Variants in RASGRF1 observed in about 807,000 individuals in gnomAD.
RASGRF1 encodes the protein ras-specific guanine nucleotide-releasing factor 1.
RASGRF1 carries 40 observed loss-of-function variants against 138.7 expected under a neutral mutation model. The observed-to-expected ratio is 0.29, with a 90% CI of 0.22 to 0.38. RASGRF1 has a LOEUF of 0.38. Ranked by LOEUF, RASGRF1 falls within the 10% of genes least tolerant of loss-of-function variation. RASGRF1 has a pLI of 1.00. For synonymous variants in RASGRF1, 614 were observed against 663.2 expected (o/e 0.93, Z 1.14); for missense variants, 1,108 against 1,650.4 (o/e 0.67, Z 5.69).
Position 78,999,847 on chromosome 15 carries a change from C to T in RASGRF1, c.2642G>A (p.Arg881His), listed in dbSNP as rs769549993. The change falls in exon 17 of 27, where the codon CGC becomes CAC. Residue 881 changes from arginine to histidine, a missense_variant. By Grantham distance (29) the Arg-to-His change is conservative (BLOSUM62 0). Transcript: ENST00000558480. ...GGCAGAGGCGGCCGACAAGGCACTG[C>T]GGTTATTGTCCAGTTCACGACAGGA... ...MTSCRELDNN[R>H]SALSAASAFA... The T allele has an allele frequency of 7.4e-6, 12 of 1,613,962 alleles. No individual in the cohort carries two copies. The highest frequency in any genetic ancestry group is 1.6e-4 in the Middle Eastern group (1 of 6,084).
chr15:79,011,493 T>A (rs1426978507), intron 13 of RASGRF1, among the ~76,000 whole-genome samples: 2 of 152,266 alleles, frequency 1.3e-5, no homozygotes, highest in East Asian at 3.9e-4. Context: ...ATTTATTAGG[T>A]CTTAAGTCAG....
At chr15:79,056,480 A>G (rs1361267325) in intron 3 of RASGRF1, among the ~76,000 whole-genome samples, 1 of 152,124 alleles carries the variant, frequency 6.6e-6, no homozygotes, top group Non-Finnish European at 1.5e-5. Context: ...AGGCTACCAG[A>G]GTAGAGTGGA....
intron 18 of RASGRF1, among the ~76,000 whole-genome samples, 158 bp downstream of exon 18, chr15:78,998,561 G>A (rs896825113): frequency 2.0e-5 from 3 of 152,220 alleles, no homozygotes; most frequent in East Asian, 1.9e-4. Context: ...GCAGTCCTCC[G>A]GGAACATCAG....
chr15:79,019,382 G>A lies in RASGRF1; in HGVS notation c.1606+659C>T, dbSNP rs150006766. Among the ~76,000 whole-genome samples the A allele has an allele frequency of 6.6e-4, 101 of 152,216 alleles. No individual in the cohort carries two copies. The East Asian group carries it at 0.018, about 26-fold the overall frequency. On this transcript the variant is annotated intron_variant, in intron 11 of 26. Coordinates refer to ENST00000558480, the MANE Select transcript of RASGRF1 (RefSeq NM_001145648.3). ...CCCCACCTCCAATTCTGATGCCTTG[G>A]GAGATAAATCCCATCAAACATCACA... is the stretch of plus-strand genomic sequence containing the variant.
chr15:79,000,070 G>C (rs1272061251), intron 16 of RASGRF1, among the ~76,000 whole-genome samples, 157 bp from the exon 17 acceptor site: 3 of 152,114 alleles, frequency 2.0e-5, no homozygotes, highest in Admixed American at 6.5e-5. Context: ...GTGTGTGTGT[G>C]TCTCTCTCTG....
rs1267378280 is a variant in RASGRF1 at position 79,059,989 on chromosome 15, CAG to C, written c.384-1510_384-1509del. Reference sequence around the variant, plus strand: ...TCACACACACACACACACAGACACACAGACACACACACACACACACACACACA... The same window carrying C: ...TCACACACACACACACACAGACACACACACACACACACACACACACACACA... On this transcript the variant is annotated intron_variant, in intron 2 of 26. Coordinates refer to ENST00000558480, the MANE Select transcript of RASGRF1 (RefSeq NM_001145648.3). 1.6e-3 allele frequency among the ~76,000 whole-genome samples: 24 copies of C among 15,088 alleles called. 1 individual carries two copies. The East Asian group carries it at 0.11, about 70-fold the overall frequency. 9.9% of individuals were successfully genotyped at this position (15,088 alleles called of 152,430 possible). A position where few individuals can be genotyped will look rare whatever the true frequency, so the allele number is the denominator to read the frequency against.
chr15:78,986,258 G>A (rs2141643000), intron 22 of RASGRF1, among the ~76,000 whole-genome samples: 1 of 152,250 alleles, frequency 6.6e-6, no homozygotes, highest in Non-Finnish European at 1.5e-5. Context: ...TGGGAAGCTG[G>A]GGCTAGAACA....
At chr15:79,065,581 G>A (rs1208247960) in intron 1 of RASGRF1, among the ~76,000 whole-genome samples, 1 of 152,086 alleles carries the variant, frequency 6.6e-6, no homozygotes, top group East Asian at 1.9e-4. Context: ...GGCCAGCTCC[G>A]CATGCAGAGG....
rs1001856626 is a variant in RASGRF1 at position 78,960,558 on chromosome 15, A to G, written c.*1586T>C. ...GTGACAGCGCCATCTTGGTGCACCA[A>G]CTAGAGCACCACCCGGTCCAGTTGA... On this transcript the variant is annotated 3_prime_UTR_variant, in exon 27 of 27. Coordinates refer to ENST00000558480, the MANE Select transcript of RASGRF1 (RefSeq NM_001145648.3). 1 of 152,396 alleles carries G rather than the reference A, an allele frequency of 6.6e-6. No individual in the cohort carries two copies. The highest frequency in any genetic ancestry group is 1.5e-5 in the Non-Finnish European group (1 of 68,222). The allele number at this position is 152,396 out of a possible 1,614,324, so 9.4% of individuals were successfully genotyped here.
At chr15:79,022,253 AACATGGTGAAACCCCGTCTCT>A (rs1467630958) in intron 10 of RASGRF1, among the ~76,000 whole-genome samples, 1 of 152,174 alleles carries the variant, frequency 6.6e-6, no homozygotes, top group Non-Finnish European at 1.5e-5. Context: ...CAGCCTGACC[AACATGGTGAAACCCCGTCTCT>A]ACTAAAAATA....
intron 13 of RASGRF1, among the ~76,000 whole-genome samples, chr15:79,010,720 TC>T (rs2056778201): frequency 6.6e-6 from 1 of 152,202 alleles, no homozygotes; most frequent in Admixed American, 6.5e-5. Context: ...CTTTCTTTTT[TC>T]CCAGGGAGAG....
At chr15:79,005,741 CCCTCCCTT>C (rs745811067) in intron 14 of RASGRF1, 98 of 585,316 alleles carry the variant, frequency 1.7e-4, no homozygotes, top group Non-Finnish European at 1.8e-4. Flanking sequence ...CTCCCTCCCT[CCCTCCCTT>C]CCTTCCTTCC....
Position 79,052,771 on chromosome 15 carries a change from G to A in RASGRF1, c.532-3183C>T, listed in dbSNP as rs1427595466. Among the ~76,000 whole-genome samples the A allele has an allele frequency of 3.3e-5, 5 of 152,176 alleles. No individual in the cohort carries two copies. In the East Asian group the frequency reaches 9.6e-4, roughly 29 times the overall value. Reference sequence around the variant, plus strand: ...GAATGATATGAACAAAGGCATGGGTGTGATAGAGTGTTGTGTGCCAGGGCA... The same window carrying A: ...GAATGATATGAACAAAGGCATGGGTATGATAGAGTGTTGTGTGCCAGGGCA... On this transcript the variant is annotated intron_variant, in intron 3 of 26. Coordinates refer to ENST00000558480, the MANE Select transcript of RASGRF1 (RefSeq NM_001145648.3).
chr15:79,059,691 C>T (rs540523165), intron 2 of RASGRF1, among the ~76,000 whole-genome samples: 5 of 152,212 alleles, frequency 3.3e-5, no homozygotes, highest in East Asian at 3.9e-4. Flanking sequence ...TCCCCTGAAA[C>T]GTACACTGTA....
intron 8 of RASGRF1, 49 bp downstream of exon 8, chr15:79,031,351 C>T: frequency 1.4e-6 from 2 of 1,422,014 alleles, no homozygotes; most frequent in Non-Finnish European, 1.9e-6. Flanking sequence ...GGGGCACCCT[C>T]AGCCCTGCCC....
In RASGRF1 at chr15:79,059,222, T is replaced by TCCTTCCCTTC. The variant is rs377302880; in HGVS notation, c.384-751_384-742dup. ...CCCTATCTTTCCCTTCCCTTCCCTATCCTTCCCTTCCCTTCCCTTCCCTTC... is the reference window on the plus strand; with the variant it reads ...CCCTATCTTTCCCTTCCCTTCCCTATCCTTCCCTTCCCTTCCCTTCCCTTCCCTTCCCTTC... On this transcript the variant is annotated intron_variant, in intron 2 of 26. Coordinates refer to ENST00000558480, the MANE Select transcript of RASGRF1 (RefSeq NM_001145648.3). 8.7e-5 allele frequency among the ~76,000 whole-genome samples: 5 copies of TCCTTCCCTTC among 57,698 alleles called. 1 individual carries two copies. The highest frequency in any genetic ancestry group is 9.5e-5 in the African/African-American group (1 of 10,542). 37.9% of individuals were successfully genotyped at this position (57,698 alleles called of 152,430 possible).
At chr15:78,970,841 T>C (rs1283566836) in intron 26 of RASGRF1, among the ~76,000 whole-genome samples, 3 of 135,344 alleles carry the variant, frequency 2.2e-5, no homozygotes, top group South Asian at 2.4e-4. Flanking sequence ...TTTTTTTTTT[T>C]CAGACCAACC....
rs1166880464 is a variant in RASGRF1, at chr15:79,015,308, T to C, written c.1826+19A>G. 1.9e-6 allele frequency: 3 copies of C among 1,601,282 alleles called. No individual in the cohort carries two copies. The highest frequency in any genetic ancestry group is 1.7e-4 in the Middle Eastern group (1 of 6,044). On this transcript the variant is annotated intron_variant, in intron 13 of 26. Coordinates refer to ENST00000558480, the MANE Select transcript of RASGRF1 (RefSeq NM_001145648.3). ...TCTCTGGAATGCTGCCTGGTCAAGA[T>C]GGGGTTAAGGGCACTTACTTGATCA...
At chr15:79,034,606 C>A (rs1222626850) in intron 6 of RASGRF1, among the ~76,000 whole-genome samples, 1 of 152,010 alleles carries the variant, frequency 6.6e-6, no homozygotes, top group African/African-American at 2.4e-5. Context: ...TTCATGGGTA[C>A]TGGAGTATTA....
Sources: allele counts gnomAD v4.1 joint callset (sites outside exome capture counted in the v4.1 genomes callset), GRCh38; gene constraint gnomAD v4.1.1; transcripts MANE v1.5; gene names NCBI Gene and HGNC (gene_info 2026-07-23, HGNC 2026-07-21).